The following GLIS1 variants were observed in gnomAD, a reference collection of about 807,000 sequenced individuals.
The protein encoded by GLIS1 is zinc finger protein GLIS1.
A neutral mutation model predicts 63.8 loss-of-function variants in GLIS1; 24 were observed. The observed-to-expected ratio is 0.38, with a 90% CI of 0.27 to 0.53. The LOEUF is 0.53. Ranked by LOEUF, GLIS1 falls within the 20% of genes least tolerant of loss-of-function variation. GLIS1 has a pLI of 0.85. For synonymous variants in GLIS1, 450 were observed against 482.5 expected (o/e 0.93, Z 0.88); for missense variants, 1,036 against 1,074.1 (o/e 0.96, Z 0.50).
chr1:53,716,710 C>T (rs1422691591), intron 2 of GLIS1, among the ~76,000 whole-genome samples: 1 of 151,864 alleles, frequency 6.6e-6, no homozygotes, highest in Non-Finnish European at 1.5e-5. Flanking sequence ...ATCAAAAAGA[C>T]AAAGAGCTAG....
chr1:53,578,903 A>T (rs1299915830), intron 4 of GLIS1, among the ~76,000 whole-genome samples: 3 of 152,128 alleles, frequency 2.0e-5, no homozygotes, highest in Non-Finnish European at 4.4e-5. Flanking sequence ...TGAAGCCCAG[A>T]GAAGGGAAGG....
At chr1:53,532,283 C>T (rs1254981144) in intron 4 of GLIS1, among the ~76,000 whole-genome samples, 1 of 152,180 alleles carries the variant, frequency 6.6e-6, no homozygotes, top group Non-Finnish European at 1.5e-5. Context: ...CACCAACGCC[C>T]CATCCAGGGC....
intron 4 of GLIS1, among the ~76,000 whole-genome samples, chr1:53,556,418 G>C (rs1306262838): frequency 2.3e-5 from 3 of 129,302 alleles, no homozygotes; most frequent in Non-Finnish European, 4.9e-5. Context: ...GTGTACTGTA[G>C]GTATGTGTGT....
chr1:53,586,524 G>T (rs1645136921), intron 4 of GLIS1, among the ~76,000 whole-genome samples: 1 of 152,188 alleles, frequency 6.6e-6, no homozygotes, highest in Non-Finnish European at 1.5e-5. Flanking sequence ...AAACTGTCCA[G>T]AACGGCCAGG....
At chr1:53,509,447 C>G (rs1385590459) in intron 9 of GLIS1, among the ~76,000 whole-genome samples, 160 bp from the exon 10 acceptor site, 1 of 152,096 alleles carries the variant, frequency 6.6e-6, no homozygotes, top group Non-Finnish European at 1.5e-5. Flanking sequence ...GTGCAGGAGG[C>G]TGGGGCCCCA....
rs1451290904 is a variant in GLIS1, at chr1:53,514,674, A to T, written c.1834T>A (p.Ser612Thr). The change falls in exon 8 of 11, where the codon TCC becomes ACC. Residue 612 changes from serine (S) to threonine (T), a missense_variant. Coordinates refer to ENST00000628545, the MANE Select transcript of GLIS1 (RefSeq NM_001367484.1). ...GGCAGAGGGGACAGATGGTGGTGGG[A>T]ACTGGTGGTGGCATCCAGCGGGTGG... The part of the protein sequence containing the change: ...RHHPLDATTS[S>T]HHHLSPLPMA... 6.2e-7 allele frequency: 1 copy of T among 1,612,742 alleles called. No homozygotes were observed. The highest frequency in any genetic ancestry group is 1.1e-5 in the South Asian group (1 of 91,044).
In GLIS1 at chr1:53,518,546, G is replaced by C. The variant is rs78926136; in HGVS notation, c.1726+2088C>G. ...TCACATAGGGTTTATGTAAGTGACCGCATCCATGATCACATTTGTTCTCAC... is the reference window on the plus strand; with the variant it reads ...TCACATAGGGTTTATGTAAGTGACCCCATCCATGATCACATTTGTTCTCAC... On this transcript the variant is annotated intron_variant, in intron 7 of 10. Coordinates refer to ENST00000628545, the MANE Select transcript of GLIS1 (RefSeq NM_001367484.1). Among the ~76,000 whole-genome samples the C allele has an allele frequency of 4.1e-4, 62 of 152,274 alleles. 2 individuals are homozygous for C. The East Asian group carries it at 0.012, about 28-fold the overall frequency.
intron 2 of GLIS1, among the ~76,000 whole-genome samples, chr1:53,611,261 T>G (rs1478752741): frequency 6.6e-6 from 1 of 152,150 alleles, no homozygotes; most frequent in Non-Finnish European, 1.5e-5. Context: ...AGCTAATTTG[T>G]GTATTTTTTG....
intron 2 of GLIS1, among the ~76,000 whole-genome samples, chr1:53,616,716 G>C (rs1207588682): frequency 6.6e-6 from 1 of 152,056 alleles, no homozygotes; most frequent in Non-Finnish European, 1.5e-5. Context: ...CTGTCCTGGG[G>C]GACAATGCAG....
intron 2 of GLIS1, among the ~76,000 whole-genome samples, chr1:53,690,751 C>T (rs1044039412): frequency 3.3e-5 from 5 of 152,294 alleles, no homozygotes; most frequent in African/African-American, 9.6e-5. Flanking sequence ...AAGGGCATTC[C>T]GGCAGAGGGG....
At chr1:53,548,626 AGGGTT>A (rs1644728893) in intron 4 of GLIS1, among the ~76,000 whole-genome samples, 1 of 152,198 alleles carries the variant, frequency 6.6e-6, no homozygotes, top group Admixed American at 6.5e-5. Context: ...TGACAAGGTA[AGGGTT>A]ATAGACAGCC....
intron 2 of GLIS1, among the ~76,000 whole-genome samples, chr1:53,622,190 G>A (rs185269703): frequency 6.6e-6 from 1 of 152,152 alleles, no homozygotes; most frequent in East Asian, 2.0e-4. Context: ...CACTTTGGGA[G>A]GCCGAGGTGG....
Position 53,638,811 on chromosome 1 carries a change from G to A in GLIS1, c.260-38533C>T, listed in dbSNP as rs530039584. On this transcript the variant is annotated intron_variant, in intron 2 of 10. Coordinates refer to ENST00000628545, the MANE Select transcript of GLIS1 (RefSeq NM_001367484.1). Reference sequence around the variant, plus strand: ...GTAAACCCTGGAGGGAGTGGCCGGGGGAGCACATGACGAGGCGGGCCCTGA... The same window carrying A: ...GTAAACCCTGGAGGGAGTGGCCGGGAGAGCACATGACGAGGCGGGCCCTGA... 6.7e-4 allele frequency among the ~76,000 whole-genome samples: 102 copies of A among 152,288 alleles called. 1 individual carries two copies. The highest frequency in any genetic ancestry group is 2.4e-3 in the African/African-American group (98 of 41,552).
At chr1:53,534,064 C>T (rs574489376) in intron 4 of GLIS1, among the ~76,000 whole-genome samples, 16 of 152,070 alleles carry the variant, frequency 1.1e-4, no homozygotes, top group Admixed American at 3.3e-4. Flanking sequence ...CCAATGAGTG[C>T]GAGGTAGCCT....
In GLIS1 at chr1:53,526,427, G is replaced by A. The variant is rs906737324; in HGVS notation, c.1483-1540C>T. The stretch of plus-strand genomic sequence containing the variant: ...GAGAGACAGCAGTGAGAAGCTTGCC[G>A]GGGTTGGCCTGGGAGGGAGAGCGGA... On this transcript the variant is annotated intron_variant, in intron 5 of 10. Coordinates refer to ENST00000628545, the MANE Select transcript of GLIS1 (RefSeq NM_001367484.1). This position sits in a 1 kb window ranked among gnomAD's most constrained non-coding sequence, Gnocchi z 4.4. Among the ~76,000 whole-genome samples the A allele has an allele frequency of 1.2e-4, 19 of 152,280 alleles. No individual in the cohort carries two copies. Among genetic ancestry groups the A allele is most frequent in the African/African-American group, 3.4e-4 (14 of 41,554 alleles).
chr1:53,509,804 G>A (rs1313229106), intron 9 of GLIS1, 45 bp downstream of exon 9: 7 of 1,182,666 alleles, frequency 5.9e-6, no homozygotes, highest in African/African-American at 1.6e-5. Context: ...GTCCCTAAGT[G>A]GGAATTGGGG....
intron 2 of GLIS1, among the ~76,000 whole-genome samples, chr1:53,727,879 A>G (rs1363323297): frequency 1.3e-5 from 2 of 152,208 alleles, no homozygotes; most frequent in African/African-American, 4.8e-5. Flanking sequence ...GCATCTCAGC[A>G]CCATAAGACA....
chr1:53,506,768 C>G lies in GLIS1; in HGVS notation c.2239G>C (p.Ala747Pro). The change falls in exon 11 of 11, where the codon GCC (alanine) becomes CCC (proline). Residue 747 changes from alanine (A) to proline (P), a missense_variant. Transcript: ENST00000628545. Reference protein sequence around the residue: ...STPLPATGYEALAEASCPTAL... With the variant: ...STPLPATGYEPLAEASCPTAL... ...GTGGGGCATGAGGCCTCAGCCAGGG[C>G]CTCATAGCCTGTGAGTGGTTGGGAA... 6.2e-7 allele frequency: 1 copy of G among 1,609,938 alleles called. No homozygotes were observed.
intron 2 of GLIS1, among the ~76,000 whole-genome samples, chr1:53,684,461 G>A (rs183678840): frequency 9.2e-4 from 140 of 152,208 alleles, no homozygotes; most frequent in African/African-American, 3.0e-3. Flanking sequence ...GGTTCATGGG[G>A]ACCACTGCAG....
Sources: gnomAD v4.1 joint callset for allele counts (sites outside exome capture counted in the v4.1 genomes callset) on GRCh38, gnomAD v4.1.1 for gene constraint, Gnocchi (gnomAD v3.1) non-coding constraint, MANE v1.5 for transcripts, NCBI Gene and HGNC (gene_info 2026-07-23, HGNC 2026-07-21) for gene names.